Variants in PDZRN4 observed in about 807,000 individuals in gnomAD.
The protein encoded by PDZRN4 is PDZ domain-containing RING finger protein 4.
In PDZRN4, 70 loss-of-function variants were observed where a neutral mutation model predicts 99.0. The observed-to-expected ratio is 0.71, with a 90% confidence interval of 0.58 to 0.86. PDZRN4 has a LOEUF of 0.86. Ranked by LOEUF, PDZRN4 falls within the 40% of genes least tolerant of loss-of-function variation. The pLI, the probability that PDZRN4 is intolerant of heterozygous loss-of-function variation, is 0.00. For missense variants in PDZRN4, 1,474 were observed against 1,331.2 expected, an observed-to-expected ratio of 1.11 and a Z score of -1.67; for synonymous variants, 551 against 501.6, an observed-to-expected ratio of 1.10 and a Z score of -1.32.
intron 3 of PDZRN4, among the ~76,000 whole-genome samples, chr12:41,365,975 C>T (rs1487583349): frequency 6.6e-6 from 1 of 152,080 alleles, no homozygotes; most frequent in Non-Finnish European, 1.5e-5. Flanking sequence ...GGCCAATGAG[C>T]AAATTGCTAC....
At chr12:41,217,023 T>G (rs574840320) in intron 3 of PDZRN4, among the ~76,000 whole-genome samples, 36 of 152,116 alleles carry the variant, frequency 2.4e-4, no homozygotes, top group Non-Finnish European at 4.6e-4. Context: ...TAGGTGGATT[T>G]CAGCTTCTTC....
intron 3 of PDZRN4, among the ~76,000 whole-genome samples, chr12:41,244,895 TTA>T (rs1951124781): frequency 7.1e-6 from 1 of 141,222 alleles, no homozygotes; most frequent in Non-Finnish European, 1.5e-5. Flanking sequence ...TTTCACCTTG[TTA>T]GCCAGGATGG....
At chr12:41,526,405 T>G (rs1451639020) in intron 5 of PDZRN4, among the ~76,000 whole-genome samples, 1 of 152,228 alleles carries the variant, frequency 6.6e-6, no homozygotes, top group African/African-American at 2.4e-5. Flanking sequence ...TCATTTGATC[T>G]TGCCTTAGCT....
At chr12:41,452,453 G>GAA (rs1952783473) in intron 3 of PDZRN4, among the ~76,000 whole-genome samples, 1 of 138,034 alleles carries the variant, frequency 7.2e-6, no homozygotes, top group Non-Finnish European at 1.6e-5. Flanking sequence ...AAAAAAAAAA[G>GAA]AAAGAAAGAA....
At chr12:41,336,791 A>C (rs1951778650) in intron 3 of PDZRN4, among the ~76,000 whole-genome samples, 1 of 151,954 alleles carries the variant, frequency 6.6e-6, no homozygotes, top group Admixed American at 6.6e-5. Flanking sequence ...GGTCGCTGTG[A>C]GTTTTTCTTG....
At chr12:41,362,395 T>C (rs920782891) in intron 3 of PDZRN4, among the ~76,000 whole-genome samples, 1 of 151,768 alleles carries the variant, frequency 6.6e-6, no homozygotes, top group Non-Finnish European at 1.5e-5. Flanking sequence ...AAAATAATAA[T>C]TTTTAAAAAA....
At chr12:41,463,624 A>G (rs530138713) in intron 3 of PDZRN4, among the ~76,000 whole-genome samples, 1 of 152,246 alleles carries the variant, frequency 6.6e-6, no homozygotes, top group South Asian at 2.1e-4. Context: ...AGCACCATAA[A>G]ATAGAATACT....
chr12:41,281,681 A>C (rs1951386749), intron 3 of PDZRN4, among the ~76,000 whole-genome samples: 1 of 152,228 alleles, frequency 6.6e-6, no homozygotes, highest in Non-Finnish European at 1.5e-5. Context: ...AAGAATGAAA[A>C]GGAATGAACA....
At chr12:41,522,583 T>C (rs556776962) in intron 5 of PDZRN4, among the ~76,000 whole-genome samples, 2 of 152,252 alleles carry the variant, frequency 1.3e-5, no homozygotes, top group Admixed American at 6.5e-5. Flanking sequence ...GAATTAACAT[T>C]ATCACCACTT....
At chr12:41,522,090 A>G (rs1032979849) in intron 5 of PDZRN4, among the ~76,000 whole-genome samples, 2 of 152,160 alleles carry the variant, frequency 1.3e-5, no homozygotes, top group African/African-American at 4.8e-5. Flanking sequence ...CTATCTGCCA[A>G]GTAAAGACAG....
At chr12:41,522,408 T>G (rs1388806748) in intron 5 of PDZRN4, among the ~76,000 whole-genome samples, 1 of 152,132 alleles carries the variant, frequency 6.6e-6, no homozygotes, top group African/African-American at 2.4e-5. Flanking sequence ...AATGATGAGC[T>G]TTTAGATTTA....
Position 41,196,040 on chromosome 12 carries a change from TA to T in PDZRN4, c.843+1853del, listed in dbSNP as rs537824372. On this transcript the variant is annotated intron_variant, in intron 3 of 9. Transcript: ENST00000402685. ...AATATTATGTATGCTTCATTAATGT[TA>T]CATTAGAAAAGAAAAAGAATTTTTT... 1.5e-3 allele frequency among the ~76,000 whole-genome samples: 224 copies of T among 152,246 alleles called. 4 individuals carry two copies. The highest frequency in any genetic ancestry group is 5.1e-3 in the African/African-American group (212 of 41,570).
intron 3 of PDZRN4, among the ~76,000 whole-genome samples, chr12:41,328,707 A>G (rs2120988066): frequency 6.6e-6 from 1 of 152,256 alleles, no homozygotes; most frequent in East Asian, 1.9e-4. Context: ...TCACTGATAG[A>G]CTTAATATTT....
chr12:41,462,687 AAAATGTG>A (rs1382083686), intron 3 of PDZRN4, among the ~76,000 whole-genome samples: 1 of 152,234 alleles, frequency 6.6e-6, no homozygotes, highest in African/African-American at 2.4e-5. Flanking sequence ...TCAAGTTTAA[AAAATGTG>A]AATTTTAGAT....
chr12:41,306,356 C>A (rs541979535), intron 3 of PDZRN4, among the ~76,000 whole-genome samples: 2 of 152,152 alleles, frequency 1.3e-5, no homozygotes, highest in Admixed American at 1.3e-4. Flanking sequence ...CTCTGAATTG[C>A]CTTTGGGGCC....
intron 3 of PDZRN4, among the ~76,000 whole-genome samples, chr12:41,301,341 C>T (rs1246361525): frequency 1.3e-5 from 2 of 151,852 alleles, no homozygotes; most frequent in Non-Finnish European, 2.9e-5. Context: ...TTGAAAATTC[C>T]CTTTGTTATT....
At chr12:41,369,627 T>C (rs944074354) in intron 3 of PDZRN4, among the ~76,000 whole-genome samples, 9 of 152,046 alleles carry the variant, frequency 5.9e-5, no homozygotes, top group African/African-American at 2.2e-4. Flanking sequence ...TCTAACTTAT[T>C]TTAAATTTAA....
chr12:41,570,187 C>A (rs916066499), intron 9 of PDZRN4, among the ~76,000 whole-genome samples: 2 of 152,106 alleles, frequency 1.3e-5, no homozygotes, highest in East Asian at 3.9e-4. Context: ...GAATTTTTTT[C>A]TTCACCATGA....
At chr12:41,467,361 G>A (rs149243917) in intron 3 of PDZRN4, among the ~76,000 whole-genome samples, 14 of 152,214 alleles carry the variant, frequency 9.2e-5, no homozygotes, top group African/African-American at 1.2e-4. Context: ...ACAATCCATC[G>A]TCATTGAAAT....
Sources: gnomAD v4.1 joint callset for allele counts (sites outside exome capture counted in the v4.1 genomes callset) on GRCh38, gnomAD v4.1.1 for gene constraint, MANE v1.5 for transcripts, NCBI Gene and HGNC (gene_info 2026-07-23, HGNC 2026-07-21) for gene names.